Variants in SPIDR observed in about 807,000 individuals in gnomAD.
SPIDR encodes DNA repair-scaffolding protein.
SPIDR carries 93 observed loss-of-function variants against 104.6 expected under a neutral mutation model. That is an observed-to-expected ratio of 0.89 (90% CI 0.75 to 1.06). SPIDR has a LOEUF of 1.06. Ranked by LOEUF, SPIDR falls within the 50% of genes least tolerant of loss-of-function variation. The pLI, the probability that SPIDR is intolerant of heterozygous loss-of-function variation, is 0.00. For synonymous variants in SPIDR, 431 were observed against 416.9 expected (o/e 1.03, Z -0.41); for missense variants, 1,154 against 1,111.2 (o/e 1.04, Z -0.55).
chr8:47,440,671 A>G (rs2069244911), intron 8 of SPIDR, 129 bp downstream of exon 8: 1 of 909,706 alleles, frequency 1.1e-6, no homozygotes, highest in Non-Finnish European at 1.6e-6. Context: ...CCAGGATTGG[A>G]CGTGGGTTTT....
chr8:47,709,274 G>A (rs1290183120), intron 14 of SPIDR, among the ~76,000 whole-genome samples: 3 of 152,166 alleles, frequency 2.0e-5, no homozygotes, highest in Non-Finnish European at 4.4e-5. Flanking sequence ...CCGAGTAGCT[G>A]GAATTACAGG....
chr8:47,488,714 T>C (rs909284157), intron 8 of SPIDR, among the ~76,000 whole-genome samples: 5 of 152,176 alleles, frequency 3.3e-5, no homozygotes, highest in Non-Finnish European at 5.9e-5. Flanking sequence ...AATCAATAAA[T>C]GTAATCCAGC....
At chr8:47,509,756 C>G (rs2082028776) in intron 8 of SPIDR, among the ~76,000 whole-genome samples, 1 of 152,216 alleles carries the variant, frequency 6.6e-6, no homozygotes, top group African/African-American at 2.4e-5. Context: ...TGGGGCAGAA[C>G]TAGGTCTACA....
chr8:47,483,463 A>G (rs1417108752), intron 8 of SPIDR, among the ~76,000 whole-genome samples: 1 of 152,166 alleles, frequency 6.6e-6, no homozygotes, highest in African/African-American at 2.4e-5. Flanking sequence ...CTGTAGCACC[A>G]AGTCATTTCC....
At chr8:47,719,179 G>A (rs1473739833) in intron 16 of SPIDR, among the ~76,000 whole-genome samples, 1 of 152,090 alleles carries the variant, frequency 6.6e-6, no homozygotes, top group Non-Finnish European at 1.5e-5. Context: ...GCCTGAACAG[G>A]GAAGCAGCCC....
intron 17 of SPIDR, chr8:47,728,678 G>T (rs1478558709): frequency 2.9e-6 from 1 of 345,684 alleles, no homozygotes; most frequent in Non-Finnish European, 5.3e-6. Flanking sequence ...CCCTTCCTGG[G>T]AGGCTCAGCA....
chr8:47,688,542 T>C (rs942806383), intron 11 of SPIDR: 2 of 152,210 alleles, frequency 1.3e-5, no homozygotes, highest in African/African-American at 4.8e-5. Context: ...CAATAAACCT[T>C]GTAAGTTTCT....
At chr8:47,327,828 G>T (rs1404651649) in intron 5 of SPIDR, among the ~76,000 whole-genome samples, 2 of 152,016 alleles carry the variant, frequency 1.3e-5, no homozygotes, top group Non-Finnish European at 2.9e-5. Flanking sequence ...CTCCCAAAGT[G>T]CTGGGATTAT....
intron 5 of SPIDR, among the ~76,000 whole-genome samples, chr8:47,384,039 A>T (rs1405995773): frequency 6.6e-6 from 1 of 152,240 alleles, no homozygotes; most frequent in South Asian, 2.1e-4. Context: ...TTGGTAATGC[A>T]TTCACAAAAC....
chr8:47,356,144 A>T (rs1333045505), intron 5 of SPIDR, among the ~76,000 whole-genome samples: 2 of 152,238 alleles, frequency 1.3e-5, no homozygotes, highest in Non-Finnish European at 1.5e-5. Context: ...CTCATGAGCT[A>T]ATGATTGAAA....
intron 10 of SPIDR, among the ~76,000 whole-genome samples, chr8:47,653,652 A>C (rs1473637677): frequency 6.6e-6 from 1 of 152,188 alleles, no homozygotes; most frequent in Non-Finnish European, 1.5e-5. Context: ...CCTTTTCCCC[A>C]GGAGGGCTGA....
chr8:47,692,995 A>G (rs908280791), intron 11 of SPIDR, among the ~76,000 whole-genome samples: 9 of 152,166 alleles, frequency 5.9e-5, no homozygotes, highest in Non-Finnish European at 1.2e-4. Flanking sequence ...GCCTCATTTT[A>G]CCATCCCACC....
chr8:47,607,644 C>G (rs187354629), intron 10 of SPIDR, among the ~76,000 whole-genome samples: 83 of 151,498 alleles, frequency 5.5e-4, no homozygotes, highest in African/African-American at 1.8e-3. Context: ...CAAAAGAAAT[C>G]TAGTAAGCTT....
Position 47,345,420 on chromosome 8 carries a change from G to T in SPIDR, c.526-50956G>T, listed in dbSNP as rs551533883. The stretch of plus-strand genomic sequence containing the variant: ...GTGATGCCTCCAGCTTTGTTCTTTT[G>T]GCTTAGGATTGACTTGGCAATGCGG... On this transcript the variant is annotated intron_variant, in intron 5 of 19. Coordinates refer to ENST00000297423, the MANE Select transcript of SPIDR (RefSeq NM_001080394.4). Among the ~76,000 whole-genome samples the T allele has an allele frequency of 3.5e-4, 53 of 152,198 alleles. 1 individual carries two copies. The highest frequency in any genetic ancestry group is 3.3e-3 in the East Asian group (17 of 5,188).
rs2037375810 is a variant in SPIDR, at chr8:47,279,845, A to C, written c.34-17A>C. ...GTTTTTTTGTTTCGATTTTTCTTTT[A>C]AAAATCATCTCCACAGAGAAAAAGG... On this transcript the variant is annotated splice_polypyrimidine_tract_variant and intron_variant, in intron 1 of 19. Transcript: ENST00000297423. The C allele has an allele frequency of 1.9e-6, 3 of 1,575,476 alleles. No individual in the cohort carries two copies. The highest frequency in any genetic ancestry group is 2.6e-6 in the Non-Finnish European group (3 of 1,160,772).
At chr8:47,472,070 C>T (rs936790718) in intron 8 of SPIDR, among the ~76,000 whole-genome samples, 4 of 152,172 alleles carry the variant, frequency 2.6e-5, no homozygotes, top group Non-Finnish European at 5.9e-5. Context: ...ATTCCTGAAT[C>T]TCCTTTAACC....
At chr8:47,699,810 C>T (rs2079884151) in intron 11 of SPIDR, among the ~76,000 whole-genome samples, 1 of 152,254 alleles carries the variant, frequency 6.6e-6, no homozygotes, top group Non-Finnish European at 1.5e-5. Flanking sequence ...CCGCCTCAGC[C>T]TCCCAAAGTG....
chr8:47,472,331 G>A (rs977942497), intron 8 of SPIDR, among the ~76,000 whole-genome samples: 1 of 152,260 alleles, frequency 6.6e-6, no homozygotes, highest in Admixed American at 6.5e-5. Context: ...AGAAGTCTTG[G>A]TAGAGAGCTT....
Position 47,658,942 on chromosome 8 carries a change from C to CAAAAA in SPIDR, c.1545-14845_1545-14841dup, listed in dbSNP as rs772463596. Among the ~76,000 whole-genome samples, 3 of 71,956 alleles carry CAAAAA rather than the reference C, an allele frequency of 4.2e-5. No homozygotes were observed. In the East Asian group the frequency reaches 1.3e-3, roughly 31 times the overall value. 47.2% of individuals were successfully genotyped at this position (71,956 alleles called of 152,430 possible). A position where few individuals can be genotyped will look rare whatever the true frequency, so the allele number is the denominator to read the frequency against. ...CAAGAGCAAAACTCCATCTCCATCT[C>CAAAAA]AAAAAAAAAAAAAAAAAAGAAAAGA... On this transcript the variant is annotated intron_variant, in intron 10 of 19. Coordinates refer to ENST00000297423, the MANE Select transcript of SPIDR (RefSeq NM_001080394.4).
Sources: gnomAD v4.1 joint callset for allele counts (sites outside exome capture counted in the v4.1 genomes callset) on GRCh38, gnomAD v4.1.1 for gene constraint, MANE v1.5 for transcripts, NCBI Gene and HGNC (gene_info 2026-07-23, HGNC 2026-07-21) for gene names.